The following FGD3 variants were observed in gnomAD, a reference collection of about 807,000 sequenced individuals.
The protein encoded by FGD3 is FYVE, RhoGEF and PH domain-containing protein 3.
In FGD3, 45 loss-of-function variants were observed where a neutral mutation model predicts 71.8. The observed-to-expected ratio is 0.63, with a 90% confidence interval of 0.49 to 0.80. The LOEUF is 0.80. Among genes scored for constraint, FGD3 ranks in the 30% least tolerant of loss-of-function variants. FGD3 has a pLI of 0.00. For missense variants in FGD3, 844 were observed against 951.5 expected (o/e 0.89, Z 1.49); for synonymous variants, 378 against 392.8 (o/e 0.96, Z 0.44).
chr9:93,010,889 A>G (rs796927989), intron 7 of FGD3, among the ~76,000 whole-genome samples: 1 of 152,120 alleles, frequency 6.6e-6, no homozygotes, highest in Non-Finnish European at 1.5e-5. Context: ...CTTAGGCCCC[A>G]GGAATGGGCC....
Position 92,976,274 on chromosome 9 carries a change from G to A in FGD3, c.18G>A (p.Gly6=). The change falls in exon 3 of 18, where the codon GGG becomes GGA. Residue 6 remains glycine, a synonymous_variant. Coordinates refer to ENST00000375482, the MANE Select transcript of FGD3 (RefSeq NM_001083536.2). MESGR[G]SSTPPGPIAA... ...CTTTAAGGATGGAGTCAGGCAGGGGGTCCTCAACCCCTCCAGGACCCATTG... is the reference window on the plus strand; with the variant it reads ...CTTTAAGGATGGAGTCAGGCAGGGGATCCTCAACCCCTCCAGGACCCATTG... 6.3e-7 allele frequency: 1 copy of A among 1,588,292 alleles called. No homozygotes were observed. Among genetic ancestry groups the A allele is most frequent in the South Asian group, 1.1e-5 (1 of 89,932 alleles).
Position 93,015,783 on chromosome 9 carries a change from G to A in FGD3, c.1229G>A (p.Gly410Asp). The change falls in exon 10 of 18, where the codon GGC (glycine) becomes GAC (aspartate). Residue 410 changes from glycine (G) to aspartate (D), a missense_variant. Transcript: ENST00000375482. The stretch of plus-strand genomic sequence containing the variant: ...TGTGTGCCCAAGCTGCGGCTCATGG[G>A]CCAGAAGTTCAGCGTCCGGGAGAAG... ...LYCVPKLRLM[G>D]QKFSVREKMD... The A allele has an allele frequency of 1.2e-6, 2 of 1,614,146 alleles. No individual in the cohort carries two copies. The highest frequency in any genetic ancestry group is 1.7e-6 in the Non-Finnish European group (2 of 1,180,020).
intron 16 of FGD3, 182 bp downstream of exon 16, chr9:93,033,055 C>A: frequency 1.5e-6 from 1 of 684,006 alleles, no homozygotes; most frequent in Non-Finnish European, 2.7e-6. Context: ...CCCGTGTGTG[C>A]ACGCTGGCTT....
chr9:92,950,111 G>A (rs1858927370), intron 1 of FGD3, among the ~76,000 whole-genome samples: 1 of 151,324 alleles, frequency 6.6e-6, no homozygotes, highest in South Asian at 2.1e-4. Context: ...AGCATAGAGT[G>A]CAAAGGATAA....
At chr9:92,971,827 T>C (rs1859546172) in intron 1 of FGD3, among the ~76,000 whole-genome samples, 1 of 152,000 alleles carries the variant, frequency 6.6e-6, no homozygotes. Context: ...TTGGATAAAC[T>C]TTGACATGGG....
chr9:93,028,995 G>GTTTTTTT lies in FGD3; in HGVS notation c.1558-843_1558-837dup, dbSNP rs869235976. Among the ~76,000 whole-genome samples the GTTTTTTT allele has an allele frequency of 5.0e-4, 26 of 51,748 alleles. 5 individuals are homozygous for GTTTTTTT. The highest frequency in any genetic ancestry group is 8.4e-4 in the Non-Finnish European group (23 of 27,374). 33.9% of individuals were successfully genotyped at this position (51,748 alleles called of 152,430 possible). A position where few individuals can be genotyped will look rare whatever the true frequency, so the allele number is the denominator to read the frequency against. On this transcript the variant is annotated intron_variant, in intron 14 of 17. Transcript: ENST00000375482. Reference sequence around the variant, plus strand: ...CATGGCTTCCTCACATGTCCTCACAGTTTTTTTTTTTTTTTTTTTTTTTTT... The same window carrying GTTTTTTT: ...CATGGCTTCCTCACATGTCCTCACAGTTTTTTTTTTTTTTTTTTTTTTTTTTTTTTTT...
chr9:93,013,762 G>A lies in FGD3; in HGVS notation c.1036-90G>A, dbSNP rs1033730174. The A allele has an allele frequency of 2.3e-5, 36 of 1,544,292 alleles. No individual in the cohort carries two copies. In the Middle Eastern group the frequency reaches 9.0e-4, roughly 38 times the overall value. On this transcript the variant is annotated intron_variant, in intron 8 of 17. Transcript: ENST00000375482. ...AGCTCATTGCCCTCTCTGGATTCTG[G>A]GCCACGGTTGCAGGGAAGGACTCCG... is the stretch of plus-strand genomic sequence containing the variant.
intron 6 of FGD3, 75 bp downstream of exon 6, chr9:93,006,255 C>T (rs1370528492): frequency 7.2e-7 from 1 of 1,396,198 alleles, no homozygotes; most frequent in East Asian, 2.6e-5. Flanking sequence ...TTTTTAAAAA[C>T]ATATGTATAT....
Position 93,027,235 on chromosome 9 carries a change from G to A in FGD3, c.1558-2639G>A, listed in dbSNP as rs183748763. Reference sequence around the variant, plus strand: ...GGGACCTGCAGGTGGGCCAATGAACGGGGACCACAAACCAGGCCACACAGC... The same window carrying A: ...GGGACCTGCAGGTGGGCCAATGAACAGGGACCACAAACCAGGCCACACAGC... On this transcript the variant is annotated intron_variant, in intron 14 of 17. Coordinates refer to ENST00000375482, the MANE Select transcript of FGD3 (RefSeq NM_001083536.2). Among the ~76,000 whole-genome samples the A allele has an allele frequency of 3.7e-4, 56 of 152,310 alleles. No individual in the cohort carries two copies. The East Asian group carries it at 0.01, about 28-fold the overall frequency.
At chr9:92,978,792 C>T (rs1314561103) in intron 3 of FGD3, among the ~76,000 whole-genome samples, 3 of 77,218 alleles carry the variant, frequency 3.9e-5, no homozygotes, top group Non-Finnish European at 7.8e-5. Context: ...CCCCTCCCCT[C>T]CCCTCTCCTT....
intron 14 of FGD3, 103 bp from the exon 15 acceptor site, chr9:93,029,771 C>G: frequency 6.8e-7 from 1 of 1,467,960 alleles, no homozygotes; most frequent in East Asian, 2.5e-5. Flanking sequence ...TTGCCTTGAG[C>G]CTGTGTGGCT....
intron 13 of FGD3, 97 bp downstream of exon 13, chr9:93,020,521 A>G: frequency 1.0e-6 from 1 of 964,530 alleles, no homozygotes; most frequent in Non-Finnish European, 1.6e-6. Flanking sequence ...CTTGACCTCC[A>G]GGCTTTCCTC....
At chr9:92,981,387 A>G (rs1195718329) in intron 3 of FGD3, among the ~76,000 whole-genome samples, 1 of 151,522 alleles carries the variant, frequency 6.6e-6, no homozygotes, top group African/African-American at 2.4e-5. Context: ...AAAAAAAAGA[A>G]AAAAAAGAAA....
chr9:93,006,729 TTTTA>T, intron 6 of FGD3, among the ~76,000 whole-genome samples: 1 of 151,872 alleles, frequency 6.6e-6, no homozygotes, highest in African/African-American at 2.4e-5. Context: ...TATTTTTTTA[TTTTA>T]TTTTTTTTTT....
chr9:92,966,003 C>A (rs1330155902), intron 1 of FGD3, among the ~76,000 whole-genome samples: 1 of 152,184 alleles, frequency 6.6e-6, no homozygotes, highest in East Asian at 1.9e-4. Flanking sequence ...AAGAGCAGAG[C>A]CGGGCACTGT....
At chr9:93,000,696 C>T (rs868669107) in intron 3 of FGD3, among the ~76,000 whole-genome samples, 4 of 152,102 alleles carry the variant, frequency 2.6e-5, no homozygotes, top group East Asian at 1.9e-4. Flanking sequence ...TTATTTTTCT[C>T]TCGCTGCTTT....
intron 5 of FGD3, among the ~76,000 whole-genome samples, chr9:93,004,468 C>T (rs1181507438): frequency 6.6e-6 from 1 of 152,200 alleles, no homozygotes; most frequent in Non-Finnish European, 1.5e-5. Context: ...TTTCTTTTCC[C>T]TCCTAGCTTA....
rs1203776069 is a variant in FGD3 at position 93,020,696 on chromosome 9, G to C, written c.1494+272G>C. ...AGAATAGGTCCAGAGAGCCTCCTGT[G>C]CTGCTGTGTGGTTGGAGAGGATTTA... On this transcript the variant is annotated intron_variant, in intron 13 of 17. Transcript: ENST00000375482. 4.4e-5 allele frequency: 18 copies of C among 411,232 alleles called. No homozygotes were observed. In the East Asian group the frequency reaches 6.7e-4, roughly 15 times the overall value. The allele number at this position is 411,232 out of a possible 1,614,324, so 25.5% of individuals were successfully genotyped here.
At chr9:92,957,524 T>G (rs940641604) in intron 1 of FGD3, among the ~76,000 whole-genome samples, 9 of 151,114 alleles carry the variant, frequency 6.0e-5, no homozygotes, top group African/African-American at 1.5e-4. Flanking sequence ...TATGTTCCAG[T>G]TTTTTTTTCT....
Sources: gnomAD v4.1 joint callset for allele counts (sites outside exome capture counted in the v4.1 genomes callset) on GRCh38, gnomAD v4.1.1 for gene constraint, MANE v1.5 for transcripts, NCBI Gene and HGNC (gene_info 2026-07-23, HGNC 2026-07-21) for gene names.